The following ITIH5 variants were observed in gnomAD, a reference collection of about 807,000 sequenced individuals.
ITIH5 encodes the protein inter-alpha-trypsin inhibitor heavy chain 5, also known as inter-alpha-trypsin inhibitor heavy chain H5.
ITIH5 carries 65 observed loss-of-function variants against 77.5 expected under a neutral mutation model. The ratio of observed to expected loss-of-function variants is 0.84; its 90% CI spans 0.69 to 1.03. The LOEUF is 1.03. Among genes scored for constraint, ITIH5 ranks in the 50% least tolerant of loss-of-function variants. ITIH5 has a pLI of 0.00. For synonymous variants in ITIH5, 525 were observed against 494.3 expected (o/e 1.06, Z -0.82); for missense variants, 1,208 against 1,213.1 (o/e 1.00, Z 0.06).
Position 7,559,747 on chromosome 10 carries a change from T to C in ITIH5, c.*3336A>G, listed in dbSNP as rs1323545592. 6.7e-6 allele frequency: 3 copies of C among 447,890 alleles called. No homozygotes were observed. Among genetic ancestry groups the C allele is most frequent in the South Asian group, 3.2e-5 (2 of 62,916 alleles). The allele number at this position is 447,890 out of a possible 1,614,324, so 27.7% of individuals were successfully genotyped here. On this transcript the variant is annotated 3_prime_UTR_variant, in exon 14 of 14. Transcript: ENST00000397146. ...TCCAAGATCAAGGTGCCAGCAGACA[T>C]GGTGTCTGGTGAGGGCCGTCTTCCT... is the stretch of plus-strand genomic sequence containing the variant.
chr10:7,570,635 AT>A (rs1372459503), intron 11 of ITIH5, among the ~76,000 whole-genome samples: 1 of 152,086 alleles, frequency 6.6e-6, no homozygotes, highest in East Asian at 1.9e-4. Flanking sequence ...TATTTTATTT[AT>A]TTTTGAGACA....
chr10:7,574,784 C>CTCCA (rs1282673376), intron 10 of ITIH5, among the ~76,000 whole-genome samples: 1 of 130,184 alleles, frequency 7.7e-6, no homozygotes, highest in Non-Finnish European at 1.6e-5. Flanking sequence ...AAGAGCGAGA[C>CTCCA]TCCATCTCGG....
At chr10:7,655,175 C>T (rs1388318540) in intron 2 of ITIH5, among the ~76,000 whole-genome samples, 1 of 152,226 alleles carries the variant, frequency 6.6e-6, no homozygotes, top group East Asian at 1.9e-4. Flanking sequence ...TTCAAATAAG[C>T]TCTTAGAGCT....
At chr10:7,665,194 C>A (rs1834342068) in intron 1 of ITIH5, among the ~76,000 whole-genome samples, 1 of 152,222 alleles carries the variant, frequency 6.6e-6, no homozygotes, top group Non-Finnish European at 1.5e-5. Context: ...TTTTTTATGA[C>A]AGCAAGTCCA....
At chr10:7,563,802 T>G (rs1292732575) in intron 13 of ITIH5, among the ~76,000 whole-genome samples, 1 of 152,194 alleles carries the variant, frequency 6.6e-6, no homozygotes, top group Non-Finnish European at 1.5e-5. Context: ...AGCAGTCAGC[T>G]CAGATCCTCT....
At chr10:7,581,870 ATTTTTTTTTT>A (rs34386089) in intron 8 of ITIH5, among the ~76,000 whole-genome samples, 2 of 81,452 alleles carry the variant, frequency 2.5e-5, no homozygotes, top group Non-Finnish European at 4.6e-5. Flanking sequence ...CCACCCATGT[ATTTTTTTTTT>A]TTTTTTTTTT....
chr10:7,583,473 C>T (rs1228416932), intron 8 of ITIH5, among the ~76,000 whole-genome samples: 2 of 152,184 alleles, frequency 1.3e-5, no homozygotes, highest in Non-Finnish European at 2.9e-5. Context: ...GCTGGGACTA[C>T]AGGCGCAAGC....
Position 7,562,599 on chromosome 10 carries a change from T to G in ITIH5, c.*484A>C. 6.0e-6 allele frequency: 1 copy of G among 165,484 alleles called. No homozygotes were observed. Among genetic ancestry groups the G allele is most frequent in the Non-Finnish European group, 1.3e-5 (1 of 75,224 alleles). The allele number at this position is 165,484 out of a possible 1,614,324, so 10.3% of individuals were successfully genotyped here. A position where few individuals can be genotyped will look rare whatever the true frequency, so the allele number is the denominator to read the frequency against. On this transcript the variant is annotated 3_prime_UTR_variant, in exon 14 of 14. Transcript: ENST00000397146. ...GCAAGAGATTCCTTTGCAGCAGAGGTTGGCCACACATCTGGGGGCTGCAAC... is the reference window on the plus strand; with the variant it reads ...GCAAGAGATTCCTTTGCAGCAGAGGGTGGCCACACATCTGGGGGCTGCAAC...
chr10:7,601,140 C>G (rs142583695), intron 7 of ITIH5, among the ~76,000 whole-genome samples: 1 of 152,240 alleles, frequency 6.6e-6, no homozygotes, highest in East Asian at 1.9e-4. Flanking sequence ...TTTTACTTAT[C>G]CATCTTTCTT....
rs202024439 is a variant in ITIH5 at position 7,574,032 on chromosome 10, C to CT, written c.1979-838_1979-837insA. Reference sequence around the variant, plus strand: ...TGTTCACAACAAAAACAAAAACAAACAATAATGTAATAAAAGAGGTACAGT... The same window carrying CT: ...TGTTCACAACAAAAACAAAAACAAACTAATAATGTAATAAAAGAGGTACAGT... On this transcript the variant is annotated intron_variant, in intron 10 of 13. Coordinates refer to ENST00000397146, the MANE Select transcript of ITIH5 (RefSeq NM_030569.7). Among the ~76,000 whole-genome samples, 83 of 152,164 alleles carry CT rather than the reference C, an allele frequency of 5.5e-4. 1 individual carries two copies. The East Asian group carries it at 0.014, about 25-fold the overall frequency.
chr10:7,566,715 C>A (rs1203309021), intron 12 of ITIH5, among the ~76,000 whole-genome samples: 1 of 64,598 alleles, frequency 1.5e-5, no homozygotes, highest in African/African-American at 6.5e-5. Context: ...GAGTGAGATC[C>A]TATCTCATTA....
chr10:7,613,522 C>T (rs902743146), intron 7 of ITIH5, among the ~76,000 whole-genome samples: 3 of 152,122 alleles, frequency 2.0e-5, no homozygotes, highest in Non-Finnish European at 2.9e-5. Context: ...AGATTAAAAA[C>T]TGTAAAAAAC....
rs759647384 is a variant in ITIH5, at chr10:7,641,921, A to G, written c.299+6T>C. Reference sequence around the variant, plus strand: ...AATCTTCATCCCTGACCAGCGTGTCACCTACATAGTGAAGTTGGTGATGAA... The same window carrying G: ...AATCTTCATCCCTGACCAGCGTGTCGCCTACATAGTGAAGTTGGTGATGAA... On this transcript the variant is annotated splice_donor_region_variant and intron_variant, in intron 3 of 13. Coordinates refer to ENST00000397146, the MANE Select transcript of ITIH5 (RefSeq NM_030569.7). 2.5e-6 allele frequency: 4 copies of G among 1,613,786 alleles called. No homozygotes were observed. The East Asian group carries it at 8.9e-5, about 36-fold the overall frequency.
chr10:7,651,895 C>G (rs1253525772), intron 2 of ITIH5, among the ~76,000 whole-genome samples: 1 of 152,202 alleles, frequency 6.6e-6, no homozygotes, highest in Non-Finnish European at 1.5e-5. Context: ...GCCCCTGCCT[C>G]CAGGGATCTG....
At chr10:7,648,735 G>C (rs2026613) in intron 2 of ITIH5, among the ~76,000 whole-genome samples, 41,205 of 151,986 alleles carry the variant, frequency 0.27, 6,263 homozygotes, top group African/African-American at 0.41. Context: ...TTATTTATGA[G>C]ATAAGAAATA....
intron 6 of ITIH5, among the ~76,000 whole-genome samples, chr10:7,616,481 C>A (rs774841577): frequency 2.6e-5 from 4 of 152,096 alleles, no homozygotes; most frequent in African/African-American, 7.2e-5. Flanking sequence ...ATATCCCCAC[C>A]CTGTCTCTGG....
At chr10:7,632,677 T>C (rs1250322054) in intron 5 of ITIH5, among the ~76,000 whole-genome samples, 2 of 152,198 alleles carry the variant, frequency 1.3e-5, no homozygotes, top group Non-Finnish European at 2.9e-5. Context: ...CCTAATACAT[T>C]CAAATTCACT....
At chr10:7,575,875 A>T (rs986406360) in intron 10 of ITIH5, among the ~76,000 whole-genome samples, 3 of 152,198 alleles carry the variant, frequency 2.0e-5, no homozygotes, top group Non-Finnish European at 1.5e-5. Context: ...TTGATGCTTT[A>T]TTGATGGACT....
Position 7,559,831 on chromosome 10 carries a change from T to C in ITIH5, c.*3252A>G, listed in dbSNP as rs1484234405. The C allele has an allele frequency of 2.2e-6, 1 of 454,616 alleles. No individual in the cohort carries two copies. The highest frequency in any genetic ancestry group is 1.6e-5 in the South Asian group (1 of 64,288). 28.2% of individuals were successfully genotyped at this position (454,616 alleles called of 1,614,324 possible). On this transcript the variant is annotated 3_prime_UTR_variant, in exon 14 of 14. Coordinates refer to ENST00000397146, the MANE Select transcript of ITIH5 (RefSeq NM_030569.7). ...CAGGTGGTGGAGAGGAAAAACACCA[T>C]CTCTCCCATGTCTTTTTTTTGTTTT...
Sources: allele counts gnomAD v4.1 joint callset (sites outside exome capture counted in the v4.1 genomes callset), GRCh38; gene constraint gnomAD v4.1.1; transcripts MANE v1.5; gene names NCBI Gene and HGNC (gene_info 2026-07-23, HGNC 2026-07-21).